UPP2: variants seen among roughly 807,000 people sequenced by gnomAD.
The protein encoded by UPP2 is UPase 2.
Under a neutral mutation model 26.7 loss-of-function variants are expected in UPP2, and 23 were observed. That is an observed-to-expected ratio of 0.86 (90% CI 0.62 to 1.22). The LOEUF (loss-of-function observed/expected upper bound fraction) is 1.22, where lower values mean the gene tolerates loss of function less well. UPP2 is among the 50% of genes most tolerant of loss of function. The pLI is 0.00. For missense variants in UPP2, 387 were observed against 396.7 expected (o/e 0.98, Z 0.21); for synonymous variants, 127 against 141.3 (o/e 0.90, Z 0.72).
intron 3 of UPP2, among the ~76,000 whole-genome samples, chr2:158,096,747 T>C (rs184702597): frequency 1.8e-3 from 273 of 152,292 alleles, no homozygotes; most frequent in African/African-American, 3.8e-3. Flanking sequence ...TCATTGCATA[T>C]ATAATATTAA....
chr2:158,124,005 C>A, intron 6 of UPP2, 110 bp downstream of exon 6: 2 of 1,216,490 alleles, frequency 1.6e-6, no homozygotes, highest in Non-Finnish European at 2.3e-6. Flanking sequence ...GGGCTGAAGG[C>A]ATGACTTATA....
rs753872900 is a variant in UPP2, at chr2:158,123,791, A to G, written c.707A>G (p.Glu236Gly). ...LDGALCSFSR[E>G]KKLDYLKRAF... ...GGAGCACTGTGCTCCTTTTCCAGAG[A>G]AAAAAAGTTAGACTACTTGAAGAGA... The change falls in exon 6 of 7, where the codon GAA becomes GGA. Residue 236 changes from glutamate (E) to glycine (G), a missense_variant. Glu to Gly is a moderately conservative substitution (Grantham distance 98, BLOSUM62 -2). Transcript: ENST00000005756. 9.9e-6 allele frequency: 16 copies of G among 1,613,806 alleles called. No homozygotes were observed. Among genetic ancestry groups the G allele is most frequent in the South Asian group, 8.8e-5 (8 of 91,076 alleles).
chr2:158,056,026 C>T (rs1682240676), intron 3 of UPP2, among the ~76,000 whole-genome samples: 1 of 152,134 alleles, frequency 6.6e-6, no homozygotes, highest in African/African-American at 2.4e-5. Context: ...CAAGACTAAA[C>T]TGGGAGGCAT....
rs376194038 is a variant in UPP2 at position 158,011,169 on chromosome 2, T to C, written c.62-4632T>C. On this transcript the variant is annotated intron_variant, in intron 2 of 9. Coordinates refer to the UPP2 transcript ENST00000605860. ...TACAGAGCGCTGCAATTCCAAACCC[T>C]TGTGCTGGGGAACACCCTTTGGTTT... Among the ~76,000 whole-genome samples the C allele has an allele frequency of 7.6e-4, 116 of 152,254 alleles. 5 individuals carry two copies. The South Asian group carries it at 0.019, about 25-fold the overall frequency.
At chr2:158,087,184 A>G (rs947583844) in intron 3 of UPP2, among the ~76,000 whole-genome samples, 1 of 152,118 alleles carries the variant, frequency 6.6e-6, no homozygotes, top group Non-Finnish European at 1.5e-5. Flanking sequence ...TTAGGTGCAT[A>G]TATGTTTAGG....
intron 3 of UPP2, among the ~76,000 whole-genome samples, chr2:158,021,049 G>A (rs1242138575): frequency 6.6e-6 from 1 of 152,122 alleles, no homozygotes; most frequent in African/African-American, 2.4e-5. Flanking sequence ...GAACCCCTCT[G>A]GCAGTCTAGT....
In UPP2 at chr2:158,038,806, G is replaced by C. The variant is rs541935152; in HGVS notation, c.147+22920G>C. On this transcript the variant is annotated intron_variant, in intron 3 of 9. Coordinates refer to the UPP2 transcript ENST00000605860. ...TTTCTATAAAGATGGCAGGGAAGAAGAAAGGGTTGTATGTGCCTGGCACTA... is the reference window on the plus strand; with the variant it reads ...TTTCTATAAAGATGGCAGGGAAGAACAAAGGGTTGTATGTGCCTGGCACTA... Among the ~76,000 whole-genome samples the C allele has an allele frequency of 8.8e-4, 134 of 152,320 alleles. 1 individual carries two copies. Among genetic ancestry groups the C allele is most frequent in the Non-Finnish European group, 1.6e-3 (106 of 68,020 alleles).
At chr2:157,996,440 A>G (rs902236561) in intron 2 of UPP2, among the ~76,000 whole-genome samples, 2 of 152,168 alleles carry the variant, frequency 1.3e-5, no homozygotes, top group Admixed American at 1.3e-4. Flanking sequence ...CTTTTTTCCA[A>G]TCTGAAGTCA....
intron 3 of UPP2, among the ~76,000 whole-genome samples, chr2:158,068,190 G>A (rs1323819733): frequency 1.3e-5 from 2 of 152,120 alleles, no homozygotes; most frequent in Non-Finnish European, 2.9e-5. Flanking sequence ...GGAAAGTAAT[G>A]GCTCTGAAAA....
intron 3 of UPP2, among the ~76,000 whole-genome samples, chr2:158,040,253 C>T (rs1167910639): frequency 6.6e-6 from 1 of 152,174 alleles, no homozygotes; most frequent in Non-Finnish European, 1.5e-5. Context: ...GGATTTCTAA[C>T]TCTATTTGTT....
chr2:158,085,938 G>T (rs184995409), intron 3 of UPP2, among the ~76,000 whole-genome samples: 1 of 151,798 alleles, frequency 6.6e-6, no homozygotes, highest in African/African-American at 2.4e-5. Context: ...ATCTTTGTAC[G>T]TTCATCAGGG....
At chr2:158,107,472 A>G (rs1290175157) in intron 2 of UPP2, among the ~76,000 whole-genome samples, 2 of 152,158 alleles carry the variant, frequency 1.3e-5, no homozygotes, top group African/African-American at 2.4e-5. Flanking sequence ...TCCAAGTCCA[A>G]TCTCTAGGGT....
intron 3 of UPP2, among the ~76,000 whole-genome samples, chr2:158,023,482 G>A (rs968578856): frequency 6.6e-6 from 1 of 152,130 alleles, no homozygotes; most frequent in African/African-American, 2.4e-5. Context: ...TGTTAGAATT[G>A]GAAAGAAGCT....
intron 2 of UPP2, among the ~76,000 whole-genome samples, chr2:158,111,350 G>A (rs2105218721): frequency 6.6e-6 from 1 of 152,162 alleles, no homozygotes; most frequent in East Asian, 1.9e-4. Context: ...ATATCCCTCT[G>A]TCTCTGGTAA....
chr2:158,082,067 C>A (rs1682736115), intron 3 of UPP2, among the ~76,000 whole-genome samples: 1 of 151,828 alleles, frequency 6.6e-6, no homozygotes, highest in Admixed American at 6.6e-5. Flanking sequence ...CCTGCTTCAG[C>A]CTCTTCTTGA....
chr2:158,134,755 G>T lies in UPP2; in HGVS notation c.819G>T (p.Val273=). 1 of 1,607,296 alleles carries T rather than the reference G, an allele frequency of 6.2e-7. No individual in the cohort carries two copies. Among genetic ancestry groups the T allele is most frequent in the East Asian group, 2.3e-5 (1 of 44,330 alleles). The change falls in exon 7 of 7, where the codon GTG becomes GTT. Residue 273 remains valine (V), a synonymous_variant. Coordinates refer to ENST00000005756, the MANE Select transcript of UPP2 (RefSeq NM_173355.4). ...MCGLCGLKAA[V]VCVTLLDRLD... The stretch of plus-strand genomic sequence containing the variant: ...TGCTAATTGCTCTTCTAGCTGCTGT[G>T]GTCTGTGTGACACTTCTCGACAGAC...
At chr2:158,117,423 T>C (rs1246074227) in intron 3 of UPP2, among the ~76,000 whole-genome samples, 1 of 152,012 alleles carries the variant, frequency 6.6e-6, no homozygotes, top group Non-Finnish European at 1.5e-5. Context: ...AGACTGATGA[T>C]TTGGCAACCA....
At chr2:158,101,764 C>T (rs1485852221), upstream of UPP2, 3 of 982,324 alleles carry the variant, frequency 3.1e-6, no homozygotes, top group East Asian at 1.1e-4. Context: ...CCAACCTGGT[C>T]AAAGAGCTAG....
At chr2:158,089,204 G>C (rs1425320044) in intron 3 of UPP2, among the ~76,000 whole-genome samples, 1 of 152,044 alleles carries the variant, frequency 6.6e-6, no homozygotes, top group Non-Finnish European at 1.5e-5. Flanking sequence ...ATGGAGTTAC[G>C]TTCCCAGGGG....
Sources: allele counts gnomAD v4.1 joint callset (sites outside exome capture counted in the v4.1 genomes callset), GRCh38; gene constraint gnomAD v4.1.1; transcripts MANE v1.5; gene names NCBI Gene and HGNC (gene_info 2026-07-23, HGNC 2026-07-21).